AP1S3: variants seen among roughly 807,000 people sequenced by gnomAD.
The protein encoded by AP1S3 is adaptor related protein complex 1 subunit sigma 3.
AP1S3 carries 10 observed loss-of-function variants against 20.9 expected under a neutral mutation model. The ratio of observed to expected loss-of-function variants is 0.48; its 90% CI spans 0.29 to 0.81. The LOEUF is 0.81. Among genes scored for constraint, AP1S3 ranks in the 30% least tolerant of loss-of-function variants. The pLI is 0.08. For missense variants in AP1S3, 154 were observed against 183.8 expected (o/e 0.84, Z 0.94); for synonymous variants, 41 against 61.5 (o/e 0.67, Z 1.56).
chr2:223,823,553 G>C (rs1692045212), intron 1 of AP1S3, among the ~76,000 whole-genome samples: 1 of 152,200 alleles, frequency 6.6e-6, no homozygotes, highest in Non-Finnish European at 1.5e-5. Flanking sequence ...TAGAAGCAGA[G>C]AGAGAGTAGA....
intron 2 of AP1S3, among the ~76,000 whole-genome samples, chr2:223,776,985 C>T (rs1490175194): frequency 6.6e-6 from 1 of 152,194 alleles, no homozygotes; most frequent in Non-Finnish European, 1.5e-5. Context: ...TCCAGTTTTT[C>T]CAAAGCACTT....
chr2:223,770,455 G>T (rs1032948471), intron 3 of AP1S3: 75 of 1,376,896 alleles, frequency 5.4e-5, no homozygotes, highest in Non-Finnish European at 7.1e-5. Context: ...AGTTTCAAGG[G>T]ATAAGGGTAA....
At chr2:223,812,461 A>T (rs1190177646) in intron 1 of AP1S3, among the ~76,000 whole-genome samples, 1 of 152,284 alleles carries the variant, frequency 6.6e-6, no homozygotes, top group East Asian at 1.9e-4. Flanking sequence ...ACTTCAGGTG[A>T]TCAGCCCGCA....
At chr2:223,768,217 C>T (rs1690528206) in intron 3 of AP1S3, among the ~76,000 whole-genome samples, 1 of 152,186 alleles carries the variant, frequency 6.6e-6, no homozygotes, top group Non-Finnish European at 1.5e-5. Context: ...TGTTTTGTGC[C>T]TTTGCTTTCT....
At chr2:223,770,229 T>G (rs532632967) in intron 3 of AP1S3, 10 of 1,550,816 alleles carry the variant, frequency 6.4e-6, no homozygotes, top group Non-Finnish European at 8.7e-6. Context: ...TCAGGAGTTA[T>G]AGTAGCAAGC....
chr2:223,768,751 A>G (rs1690540669), intron 3 of AP1S3, among the ~76,000 whole-genome samples: 1 of 152,150 alleles, frequency 6.6e-6, no homozygotes, highest in Non-Finnish European at 1.5e-5. Flanking sequence ...GCTACTCAGG[A>G]AGGTGAGGCA....
chr2:223,781,031 A>G (rs1389571214), intron 1 of AP1S3, among the ~76,000 whole-genome samples: 1 of 151,612 alleles, frequency 6.6e-6, no homozygotes, highest in East Asian at 2.0e-4. Context: ...TTGTGAGAAC[A>G]TGCAATATTT....
chr2:223,837,514 G>A lies in AP1S3; in HGVS notation c.-64C>T. The A allele has an allele frequency of 1.2e-5, 14 of 1,172,406 alleles. No homozygotes were observed. The highest frequency in any genetic ancestry group is 1.5e-5 in the Non-Finnish European group (14 of 924,330). The allele number at this position is 1,172,406 out of a possible 1,614,324, so 72.6% of individuals were successfully genotyped here. On this transcript the variant is annotated 5_prime_UTR_variant, in exon 1 of 5. Coordinates refer to ENST00000396654, the MANE Select transcript of AP1S3 (RefSeq NM_001039569.2). Reference sequence around the variant, plus strand: ...GAGCGCTGGAGAAGCGAGGGCGAGAGGCGAGCGCTGGAGCCGGTGCGGCTG... The same window carrying A: ...GAGCGCTGGAGAAGCGAGGGCGAGAAGCGAGCGCTGGAGCCGGTGCGGCTG...
chr2:223,758,531 T>A lies in AP1S3; in HGVS notation c.*184A>T, dbSNP rs1690278177. 1.2e-5 allele frequency: 15 copies of A among 1,300,178 alleles called. No homozygotes were observed. The highest frequency in any genetic ancestry group is 1.5e-5 in the Non-Finnish European group (15 of 1,025,008). 80.5% of individuals were successfully genotyped at this position (1,300,178 alleles called of 1,614,324 possible). On this transcript the variant is annotated 3_prime_UTR_variant, in exon 5 of 5. Coordinates refer to ENST00000396654, the MANE Select transcript of AP1S3 (RefSeq NM_001039569.2). ...TATAACACAGACACATAATTTTTTT[T>A]AATAATACAGACACATAGTAATTAT...
rs1170166275 is a variant in AP1S3 at position 223,787,822 on chromosome 2, G to T, written c.4-9953C>A. ...TTCATCCAAGGGTACAGAAATTTAG[G>T]AACTCCATGCAGTTGGAGAACCTCT... On this transcript the variant is annotated intron_variant, in intron 1 of 4. Transcript: ENST00000396654. Among the ~76,000 whole-genome samples the T allele has an allele frequency of 2.0e-5, 3 of 152,156 alleles. No individual in the cohort carries two copies. In the East Asian group the frequency reaches 5.8e-4, roughly 29 times the overall value.
At chr2:223,758,847 T>C in intron 4 of AP1S3, 97 bp from the exon 5 acceptor site, 1 of 1,111,820 alleles carries the variant, frequency 9.0e-7, no homozygotes, top group Non-Finnish European at 1.3e-6. Context: ...TTTGCCATTG[T>C]TGAAAACAAG....
At chr2:223,794,424 A>G (rs1413575352) in intron 1 of AP1S3, among the ~76,000 whole-genome samples, 1 of 152,136 alleles carries the variant, frequency 6.6e-6, no homozygotes, top group Non-Finnish European at 1.5e-5. Flanking sequence ...TTCTTGAGAA[A>G]GCCTTCCTTT....
chr2:223,776,383 C>T (rs1690785268), intron 2 of AP1S3, among the ~76,000 whole-genome samples: 1 of 152,124 alleles, frequency 6.6e-6, no homozygotes, highest in Non-Finnish European at 1.5e-5. Flanking sequence ...GCCCACGCTC[C>T]CCACCCTCCC....
intron 3 of AP1S3, among the ~76,000 whole-genome samples, chr2:223,774,300 G>A (rs1690707374): frequency 6.6e-6 from 1 of 152,082 alleles, no homozygotes. Context: ...GGGAGGCAGA[G>A]GTTGCAGTGA....
intron 4 of AP1S3, among the ~76,000 whole-genome samples, chr2:223,763,344 AT>A (rs1465406850): frequency 6.6e-6 from 1 of 152,200 alleles, no homozygotes; most frequent in Non-Finnish European, 1.5e-5. Flanking sequence ...TTTTTAAAAC[AT>A]TTCCTAATTT....
At chr2:223,762,350 G>A (rs1690378273) in intron 4 of AP1S3, among the ~76,000 whole-genome samples, 2 of 97,548 alleles carry the variant, frequency 2.1e-5, no homozygotes, top group South Asian at 6.2e-4. Context: ...TCGGCTCACT[G>A]CAATCTCTGC....
chr2:223,798,745 C>G lies in AP1S3; in HGVS notation c.4-20876G>C, dbSNP rs183443391. On this transcript the variant is annotated intron_variant, in intron 1 of 4. Transcript: ENST00000396654. ...TAAATTCATATGTTACAGTCCTAAC[C>G]CCCCAGTACTTCAGAATTCAACTTT... is the stretch of plus-strand genomic sequence containing the variant. 6.0e-3 allele frequency among the ~76,000 whole-genome samples: 917 copies of G among 152,236 alleles called. 8 individuals carry two copies. Among genetic ancestry groups the G allele is most frequent in the African/African-American group, 0.02 (829 of 41,548 alleles).
At chr2:223,776,355 T>C (rs1275223177) in intron 2 of AP1S3, among the ~76,000 whole-genome samples, 1 of 152,196 alleles carries the variant, frequency 6.6e-6, no homozygotes, top group Non-Finnish European at 1.5e-5. Flanking sequence ...TAGAAAGCCC[T>C]GACCAGTGCT....
intron 1 of AP1S3, among the ~76,000 whole-genome samples, chr2:223,825,924 G>T (rs192085441): frequency 2.6e-5 from 4 of 152,246 alleles, no homozygotes; most frequent in Admixed American, 2.6e-4. Flanking sequence ...GGCTAAGGTG[G>T]GGGGATCACT....
Sources: allele counts gnomAD v4.1 joint callset (sites outside exome capture counted in the v4.1 genomes callset), GRCh38; gene constraint gnomAD v4.1.1; transcripts MANE v1.5; gene names NCBI Gene and HGNC (gene_info 2026-07-23, HGNC 2026-07-21).